Variants in TMEM44 observed in about 807,000 individuals in gnomAD.
TMEM44 encodes transmembrane protein 44.
In TMEM44, 43 loss-of-function variants were observed where a neutral mutation model predicts 47.8. That is an observed-to-expected ratio of 0.90 (90% CI 0.70 to 1.16). The LOEUF (loss-of-function observed/expected upper bound fraction) is 1.16, where lower values mean the gene tolerates loss of function less well. Ranked by LOEUF, TMEM44 falls within the 50% of genes most tolerant of loss-of-function variation. TMEM44 has a pLI of 0.00. For missense variants in TMEM44, 568 were observed against 555.2 expected, an observed-to-expected ratio of 1.02 and a Z score of -0.23; for synonymous variants, 277 against 238.8, an observed-to-expected ratio of 1.16 and a Z score of -1.48.
chr3:194,624,574 A>G (rs990626932), intron 3 of TMEM44, among the ~76,000 whole-genome samples: 3 of 151,794 alleles, frequency 2.0e-5, no homozygotes, highest in Non-Finnish European at 4.4e-5. Flanking sequence ...ATGCACCATC[A>G]TGCCCAGCTA....
intron 9 of TMEM44, among the ~76,000 whole-genome samples, chr3:194,602,438 C>T (rs972800004): frequency 5.3e-5 from 8 of 152,272 alleles, no homozygotes; most frequent in African/African-American, 1.4e-4. Context: ...CTCATCTTTA[C>T]TAAAAATACA....
intron 3 of TMEM44, 86 bp downstream of exon 3, chr3:194,625,811 G>A (rs1216759517): frequency 2.2e-5 from 27 of 1,244,998 alleles, no homozygotes; most frequent in East Asian, 1.2e-4. Context: ...GCTGGGGCCC[G>A]CTCTGGGAGT....
intron 1 of TMEM44, 79 bp downstream of exon 1, chr3:194,633,000 C>T (rs1007424299): frequency 6.6e-7 from 1 of 1,506,644 alleles, no homozygotes; most frequent in Admixed American, 2.0e-5. Context: ...GCCCCCTCCT[C>T]TAGGTTTCCG....
chr3:194,605,199 T>A (rs1175042033), intron 8 of TMEM44, among the ~76,000 whole-genome samples: 1 of 152,160 alleles, frequency 6.6e-6, no homozygotes, highest in African/African-American at 2.4e-5. Context: ...AATCTATCTA[T>A]CTGTCTCAGA....
In TMEM44 at chr3:194,610,934, G is replaced by A. The variant is rs763569590; in HGVS notation, c.999C>T (p.Thr333=). Residue 333 remains threonine (T), a synonymous_variant, in exon 8 of 10, where the codon ACC becomes ACT. Transcript: ENST00000347147. ...CACTCACCTGCTGCACAGGCTCGAT[G>A]GTCAGCTCCATGTAGCGACTGATTG... The part of the protein sequence containing the change: ...MTAISRYMEL[T]IEPVQQAGCS... 4 of 1,613,554 alleles carry A rather than the reference G, an allele frequency of 2.5e-6. No individual in the cohort carries two copies. In the African/African-American group the frequency reaches 5.3e-5, roughly 22 times the overall value.
At chr3:194,618,348 T>A (rs1716165844) in intron 5 of TMEM44, among the ~76,000 whole-genome samples, 1 of 151,860 alleles carries the variant, frequency 6.6e-6, no homozygotes, top group South Asian at 2.1e-4. Context: ...AAAGTCACTA[T>A]ATATATGAAT....
At position 194,611,040 on chromosome 3, in the gene TMEM44, A is replaced by G. The variant is rs1311216069; in HGVS notation, c.913-20T>C. The G allele has an allele frequency of 1.9e-6, 3 of 1,602,338 alleles. No homozygotes were observed. Among genetic ancestry groups the G allele is most frequent in the Non-Finnish European group, 2.6e-6 (3 of 1,169,934 alleles). ...CAAATTCTTGCAAGTAGAGGCAGGG[A>G]GACAGAAAGGGGAATTCTCAAAGTC... is the stretch of plus-strand genomic sequence containing the variant. On this transcript the variant is annotated intron_variant, in intron 7 of 9. Transcript: ENST00000347147. The surrounding 1 kb of genome is among the most constrained non-coding windows in gnomAD (Gnocchi z 4.2).
At position 194,618,951 on chromosome 3, in the gene TMEM44, G is replaced by C. The variant is rs567397664; in HGVS notation, c.613-1682C>G. Among the ~76,000 whole-genome samples, 19 of 152,324 alleles carry C rather than the reference G, an allele frequency of 1.2e-4. No individual in the cohort carries two copies. The South Asian group carries it at 3.9e-3, about 32-fold the overall frequency. ...TGGGAGGGTGAGCCCTGGCCCGCTG[G>C]GCCCAGAGGCTGAGGGTGGAGACGA... On this transcript the variant is annotated intron_variant, in intron 5 of 9. Transcript: ENST00000347147.
chr3:194,588,017 C>G lies in TMEM44; in HGVS notation c.*512G>C, dbSNP rs756294108. 40 of 154,004 alleles carry G rather than the reference C, an allele frequency of 2.6e-4. No homozygotes were observed. The highest frequency in any genetic ancestry group is 8.4e-4 in the African/African-American group (35 of 41,578). The allele number at this position is 154,004 out of a possible 1,614,324, so 9.5% of individuals were successfully genotyped here. A position where few individuals can be genotyped will look rare whatever the true frequency, so the allele number is the denominator to read the frequency against. On this transcript the variant is annotated 3_prime_UTR_variant, in exon 10 of 10. Transcript: ENST00000347147. ...TATCGATAACTTCCAGCAGATAACCCAAGTGGGTGACTGGGGGGTGGAAGC... is the reference window on the plus strand; with the variant it reads ...TATCGATAACTTCCAGCAGATAACCGAAGTGGGTGACTGGGGGGTGGAAGC...
intron 8 of TMEM44, among the ~76,000 whole-genome samples, chr3:194,610,156 G>A (rs1180753006): frequency 1.3e-5 from 2 of 151,808 alleles, no homozygotes; most frequent in African/African-American, 2.4e-5. Context: ...GAACCCGGGG[G>A]GCTGCAGTGA....
At chr3:194,594,289 G>A (rs1247678906) in intron 9 of TMEM44, among the ~76,000 whole-genome samples, 2 of 151,812 alleles carry the variant, frequency 1.3e-5, no homozygotes, top group African/African-American at 2.4e-5. Flanking sequence ...TCAGTCTCCT[G>A]AGTAGCTGGG....
intron 9 of TMEM44, chr3:194,590,136 C>T (rs1420277990): frequency 6.6e-6 from 1 of 152,202 alleles, no homozygotes; most frequent in Admixed American, 6.5e-5. Context: ...GAGGTTCCAG[C>T]GAAGATCTTG....
rs1712097354 is a variant in TMEM44 at position 194,588,219 on chromosome 3, A to T, written c.*310T>A. 1 of 314,856 alleles carries T rather than the reference A, an allele frequency of 3.2e-6. No individual in the cohort carries two copies. Among genetic ancestry groups the T allele is most frequent in the Non-Finnish European group, 5.9e-6 (1 of 168,750 alleles). 19.5% of individuals were successfully genotyped at this position (314,856 alleles called of 1,614,324 possible). On this transcript the variant is annotated 3_prime_UTR_variant, in exon 10 of 10. Coordinates refer to ENST00000347147, the MANE Select transcript of TMEM44 (RefSeq NM_001011655.3). ...GGTATTCCGTTCATGGCTGACTCTCAAGGGAATGAAGGGAAAAGGAAGAGC... is the reference window on the plus strand; with the variant it reads ...GGTATTCCGTTCATGGCTGACTCTCTAGGGAATGAAGGGAAAAGGAAGAGC...
chr3:194,603,475 G>C (rs1054227723), intron 9 of TMEM44, among the ~76,000 whole-genome samples: 3 of 151,034 alleles, frequency 2.0e-5, no homozygotes, highest in Non-Finnish European at 4.4e-5. Context: ...TTGGCTCACT[G>C]TAATTTCCAC....
chr3:194,629,573 C>T (rs900864837), intron 1 of TMEM44, among the ~76,000 whole-genome samples: 4 of 141,480 alleles, frequency 2.8e-5, no homozygotes, highest in Admixed American at 7.1e-5. Context: ...AATACATTGT[C>T]GTACATGCCT....
chr3:194,630,399 A>G lies in TMEM44; in HGVS notation c.138-1890T>C, dbSNP rs370235188. The stretch of plus-strand genomic sequence containing the variant: ...GAAGGGGCTGGCTGTTTCCGTCGGC[A>G]TCACTGATAGGGCCCCTGAAATAAT... On this transcript the variant is annotated intron_variant, in intron 1 of 9. Coordinates refer to ENST00000347147, the MANE Select transcript of TMEM44 (RefSeq NM_001011655.3). Among the ~76,000 whole-genome samples the G allele has an allele frequency of 6.6e-3, 675 of 101,976 alleles. 1 individual carries two copies. Among genetic ancestry groups the G allele is most frequent in the East Asian group, 0.026 (54 of 2,110 alleles). The allele number at this position is 101,976 out of a possible 152,430, so 66.9% of individuals were successfully genotyped here.
At chr3:194,613,408 G>A (rs1454569361) in intron 7 of TMEM44, among the ~76,000 whole-genome samples, 2 of 150,424 alleles carry the variant, frequency 1.3e-5, no homozygotes, top group African/African-American at 2.5e-5. Context: ...GAACTCTTGA[G>A]CTCAGGCAAT....
In TMEM44 at chr3:194,633,175, C is replaced by G. The variant is rs965435620; in HGVS notation, c.41G>C (p.Trp14Ser). ...APSPAPALWD[W>S]DYLDRCFARH... The stretch of plus-strand genomic sequence containing the variant: ...GGCGAAGCAGCGGTCCAGGTAGTCC[C>G]AGTCCCAGAGCGCGGGCGCGGGGCT... The change falls in exon 1 of 10, where the codon TGG (tryptophan) becomes TCG (serine). Residue 14 changes from tryptophan to serine, a missense_variant. By Grantham distance (177) the Trp-to-Ser change is radical. Transcript: ENST00000347147. The G allele has an allele frequency of 6.5e-7, 1 of 1,541,200 alleles. No homozygotes were observed. The highest frequency in any genetic ancestry group is 1.2e-5 in the South Asian group (1 of 83,748).
intron 9 of TMEM44, chr3:194,593,186 C>A: frequency 3.7e-6 from 4 of 1,094,258 alleles, no homozygotes; most frequent in East Asian, 4.9e-5. Context: ...GGAGACAGGC[C>A]CTTAGATGGT....
Sources: allele counts gnomAD v4.1 joint callset (sites outside exome capture counted in the v4.1 genomes callset), GRCh38; gene constraint gnomAD v4.1.1; non-coding constraint Gnocchi (gnomAD v3.1); transcripts MANE v1.5; gene names NCBI Gene and HGNC (gene_info 2026-07-23, HGNC 2026-07-21).